Variants in AMZ2 observed in about 807,000 individuals in gnomAD.
AMZ2 encodes archaemetzincin-2.
Under a neutral mutation model 36.7 loss-of-function variants are expected in AMZ2, and 26 were observed. The observed-to-expected ratio is 0.71, with a 90% CI of 0.52 to 0.98. AMZ2 has a LOEUF of 0.98. Among genes scored for constraint, AMZ2 ranks in the 50% least tolerant of loss-of-function variants. AMZ2 has a pLI of 0.00. For synonymous variants in AMZ2, 144 were observed against 149.1 expected, an observed-to-expected ratio of 0.97 and a Z score of 0.25; for missense variants, 394 against 430.5, an observed-to-expected ratio of 0.92 and a Z score of 0.75.
At chr17:68,222,475 G>C (rs1599308224) in intron 1 of AMZ2, among the ~76,000 whole-genome samples, 1 of 152,280 alleles carries the variant, frequency 6.6e-6, no homozygotes, top group African/African-American at 2.4e-5. Context: ...TAGTGGATTT[G>C]GGATGATTAA....
intron 1 of AMZ2, among the ~76,000 whole-genome samples, chr17:68,240,337 C>T (rs2073876279): frequency 6.6e-6 from 1 of 152,134 alleles, no homozygotes; most frequent in Non-Finnish European, 1.5e-5. Flanking sequence ...CACAGACATT[C>T]AAACCATAGC....
exon 1 of AMZ2, chr17:68,206,142 G>A: frequency 7.7e-7 from 1 of 1,306,932 alleles, no homozygotes; most frequent in Non-Finnish European, 9.8e-7. Context: ...GGACGAGGCT[G>A]ATTCCGATTA....
intron 6 of AMZ2, 78 bp from the exon 7 acceptor site, chr17:68,256,736 T>A (rs2074935063): frequency 6.9e-7 from 1 of 1,458,558 alleles, no homozygotes; most frequent in Admixed American, 2.1e-5. Flanking sequence ...CCCTATGATC[T>A]AGAAGCCAAT....
Position 68,256,899 on chromosome 17 carries a change from C to G in AMZ2, c.1013C>G (p.Pro338Arg). Residue 338 changes from proline to arginine, a missense_variant, in exon 7 of 7, where the codon CCG (proline) becomes CGG (arginine). Pro to Arg is a moderately radical substitution (Grantham distance 103). Coordinates refer to ENST00000359904, the MANE Select transcript of AMZ2 (RefSeq NM_016627.5). ...EHSHEDNGNLPKPVEAFKEWK... is the reference protein window; with the variant it reads ...EHSHEDNGNLRKPVEAFKEWK... Reference sequence around the variant, plus strand: ...AGTCACGAGGATAATGGGAATTTACCGAAACCCGTGGAAGCCTTTAAGGAA... The same window carrying G: ...AGTCACGAGGATAATGGGAATTTACGGAAACCCGTGGAAGCCTTTAAGGAA... 6.2e-7 allele frequency: 1 copy of G among 1,614,056 alleles called. No individual in the cohort carries two copies. Among genetic ancestry groups the G allele is most frequent in the Non-Finnish European group, 8.5e-7 (1 of 1,179,984 alleles).
intron 1 of AMZ2, chr17:68,249,925 C>T (rs1216193096): frequency 2.3e-6 from 1 of 441,296 alleles, no homozygotes; most frequent in Non-Finnish European, 4.1e-6. Context: ...AGGCATGAGC[C>T]ACCACACCTG....
chr17:68,242,270 G>C (rs2073917587), intron 1 of AMZ2, among the ~76,000 whole-genome samples: 1 of 151,874 alleles, frequency 6.6e-6, no homozygotes, highest in Non-Finnish European at 1.5e-5. Flanking sequence ...TGTATATTTA[G>C]GAATGCCTAA....
chr17:68,232,179 G>T (rs1708818236), intron 1 of AMZ2, among the ~76,000 whole-genome samples: 1 of 148,722 alleles, frequency 6.7e-6, no homozygotes, highest in Admixed American at 6.7e-5. Flanking sequence ...CTCTTGTAAG[G>T]TACCTTAAGA....
At position 68,255,859 on chromosome 17, in the gene AMZ2, ATTG is replaced by A; in HGVS notation, c.912_914del (p.Val305del). ...GTTGCAGTGTGCTGTTGGCTTCAGC[ATTG>A]TAGAAAGATACAAAGTAAGTTGGGG... On this transcript the variant is annotated inframe_deletion, in exon 6 of 7. Coordinates refer to ENST00000359904, the MANE Select transcript of AMZ2 (RefSeq NM_016627.5). 1 of 1,614,142 alleles carries A rather than the reference ATTG, an allele frequency of 6.2e-7. No homozygotes were observed. Among genetic ancestry groups the A allele is most frequent in the East Asian group, 2.2e-5 (1 of 44,880 alleles).
chr17:68,232,954 C>T (rs1396843947), intron 1 of AMZ2, among the ~76,000 whole-genome samples: 1 of 152,210 alleles, frequency 6.6e-6, no homozygotes, highest in Admixed American at 6.5e-5. Flanking sequence ...TCTTAGTCAG[C>T]TTGGGCTGCT....
intron 1 of AMZ2, among the ~76,000 whole-genome samples, chr17:68,234,821 C>T (rs1179773225): frequency 1.3e-5 from 2 of 151,564 alleles, no homozygotes; most frequent in East Asian, 3.9e-4. Flanking sequence ...GAGACCAGCC[C>T]GGCCAACAAC....
intron 1 of AMZ2, among the ~76,000 whole-genome samples, chr17:68,229,802 G>A (rs7224860): frequency 6.6e-6 from 1 of 152,204 alleles, no homozygotes. Flanking sequence ...TCAGGGGTCC[G>A]GGCTGGTGTA....
intron 1 of AMZ2, among the ~76,000 whole-genome samples, chr17:68,236,334 A>G (rs757480602): frequency 2.3e-4 from 35 of 152,026 alleles, no homozygotes; most frequent in Non-Finnish European, 3.7e-4. Context: ...TAACATATGA[A>G]CATGATATTA....
chr17:68,208,678 T>C (rs1402175500), intron 1 of AMZ2, among the ~76,000 whole-genome samples: 1 of 152,230 alleles, frequency 6.6e-6, no homozygotes, highest in Non-Finnish European at 1.5e-5. Context: ...ATTTTGCTGC[T>C]GCTCACTCTT....
chr17:68,218,783 T>C (rs2073268406), intron 1 of AMZ2, among the ~76,000 whole-genome samples: 1 of 152,184 alleles, frequency 6.6e-6, no homozygotes, highest in African/African-American at 2.4e-5. Flanking sequence ...TCTTAGTAAA[T>C]GGGATTACTG....
chr17:68,208,493 A>G (rs554606123), intron 1 of AMZ2, among the ~76,000 whole-genome samples: 68 of 152,262 alleles, frequency 4.5e-4, no homozygotes, highest in East Asian at 4.2e-3. Flanking sequence ...TTGTAAAGGC[A>G]CCAGTCAGCG....
chr17:68,247,563 C>T (rs1389102190), upstream of AMZ2: 1 of 917,412 alleles, frequency 1.1e-6, no homozygotes, highest in Non-Finnish European at 1.3e-6. Flanking sequence ...CCAGCCCCCG[C>T]GGCCCCCAAC....
At chr17:68,237,340 A>G (rs1438195303) in intron 1 of AMZ2, among the ~76,000 whole-genome samples, 3 of 141,816 alleles carry the variant, frequency 2.1e-5, no homozygotes, top group African/African-American at 5.7e-5. Context: ...TGTTCTTCCT[A>G]TTCTTCTGTC....
intron 1 of AMZ2, among the ~76,000 whole-genome samples, chr17:68,242,007 G>GT (rs1295832833): frequency 6.6e-6 from 1 of 151,362 alleles, no homozygotes; most frequent in Non-Finnish European, 1.5e-5. Flanking sequence ...GGCTCCCAAA[G>GT]TGCTGGGATT....
chr17:68,209,901 T>C (rs2072990288), intron 1 of AMZ2, among the ~76,000 whole-genome samples: 1 of 151,790 alleles, frequency 6.6e-6, no homozygotes, highest in Admixed American at 6.6e-5. Flanking sequence ...GATTACAGGC[T>C]TGAGCCACCA....
Sources: allele counts gnomAD v4.1 joint callset (sites outside exome capture counted in the v4.1 genomes callset), GRCh38; gene constraint gnomAD v4.1.1; transcripts MANE v1.5; gene names NCBI Gene and HGNC (gene_info 2026-07-23, HGNC 2026-07-21).